Variants in CRACR2A observed in about 807,000 individuals in gnomAD.
CRACR2A encodes EF-hand calcium-binding domain-containing protein 4B.
A neutral mutation model predicts 90.5 loss-of-function variants in CRACR2A; 79 were observed. That is an observed-to-expected ratio of 0.87 (90% CI 0.73 to 1.05). The LOEUF (loss-of-function observed/expected upper bound fraction) is 1.05. Ranked by LOEUF, CRACR2A falls within the 50% of genes least tolerant of loss-of-function variation. The pLI is 0.00. For synonymous variants in CRACR2A, 338 were observed against 356.7 expected (o/e 0.95, Z 0.59); for missense variants, 823 against 897.2 (o/e 0.92, Z 1.06).
At chr12:3,720,361 AAG>A (rs1179411819) in intron 2 of CRACR2A, among the ~76,000 whole-genome samples, 45 of 132,644 alleles carry the variant, frequency 3.4e-4, no homozygotes, top group East Asian at 5.1e-4. Flanking sequence ...AAAGGAAAGA[AAG>A]AGAGAGAGAA....
chr12:3,634,066 G>A lies in CRACR2A; in HGVS notation c.1603-330C>T, dbSNP rs554297606. Reference sequence around the variant, plus strand: ...GCACGCTCACGGATAAGGACAACTCGGTGCTCCAAGTGTGACGGGGCACAG... The same window carrying A: ...GCACGCTCACGGATAAGGACAACTCAGTGCTCCAAGTGTGACGGGGCACAG... On this transcript the variant is annotated intron_variant, in intron 14 of 19. Transcript: ENST00000440314. Among the ~76,000 whole-genome samples, 9 of 152,302 alleles carry A rather than the reference G, an allele frequency of 5.9e-5. No homozygotes were observed. The South Asian group carries it at 1.5e-3, about 25-fold the overall frequency.
chr12:3,628,843 G>T (rs1351743595), intron 15 of CRACR2A, among the ~76,000 whole-genome samples: 1 of 152,110 alleles, frequency 6.6e-6, no homozygotes, highest in Non-Finnish European at 1.5e-5. Context: ...TAACAAAGAG[G>T]CAGTAAATGG....
chr12:3,691,565 T>G (rs1341459329), intron 4 of CRACR2A, among the ~76,000 whole-genome samples: 1 of 152,188 alleles, frequency 6.6e-6, no homozygotes, highest in East Asian at 1.9e-4. Context: ...ATAGCTGCCT[T>G]TAACATTTTT....
rs79145253 is a variant in CRACR2A, at chr12:3,705,432, G to A, written c.-37+7805C>T. ...TTTCCCCTTAATCTAGAGAACAGCT[G>A]GTATCTCCTTCCACACCACACCAGT... On this transcript the variant is annotated intron_variant, in intron 3 of 19. Transcript: ENST00000440314. Among the ~76,000 whole-genome samples the A allele has an allele frequency of 3.9e-5, 6 of 152,292 alleles. 1 individual carries two copies. The East Asian group carries it at 1.2e-3, about 29-fold the overall frequency.
At chr12:3,659,393 A>G (rs531717731) in intron 8 of CRACR2A, among the ~76,000 whole-genome samples, 171 bp downstream of exon 8, 1 of 152,314 alleles carries the variant, frequency 6.6e-6, no homozygotes, top group East Asian at 1.9e-4. Flanking sequence ...AAAATAAACA[A>G]GGATATTACA....
At chr12:3,748,143 C>T (rs975588836) in intron 1 of CRACR2A, among the ~76,000 whole-genome samples, 1 of 152,198 alleles carries the variant, frequency 6.6e-6, no homozygotes, top group Non-Finnish European at 1.5e-5. Flanking sequence ...GGGTAAAACA[C>T]GGTTTCCACT....
At chr12:3,639,476 A>ACACACACACACACACACACACACACACG (rs1408970383) in intron 13 of CRACR2A, among the ~76,000 whole-genome samples, 14 of 151,984 alleles carry the variant, frequency 9.2e-5, no homozygotes, top group South Asian at 2.1e-4. Context: ...ACACACACAC[A>ACACACACACACACACACACACACACACG]CGCATGCAAG....
chr12:3,629,367 C>T (rs1316030875), intron 15 of CRACR2A, among the ~76,000 whole-genome samples: 4 of 152,188 alleles, frequency 2.6e-5, no homozygotes, highest in Non-Finnish European at 5.9e-5. Context: ...AAACAGATTA[C>T]AGTGGCTGGG....
Position 3,624,523 on chromosome 12 carries a change from C to A in CRACR2A, c.1932+2913G>T, listed in dbSNP as rs147719779. On this transcript the variant is annotated intron_variant, in intron 17 of 19. Coordinates refer to ENST00000440314, the MANE Select transcript of CRACR2A (RefSeq NM_001144958.2). ...TTGCATTTATGATGCCACCGTTCCA[C>A]ACCTTCAACACACACTCTGCCATTT... 3.7e-3 allele frequency among the ~76,000 whole-genome samples: 568 copies of A among 152,338 alleles called. 5 individuals are homozygous for A. The highest frequency in any genetic ancestry group is 0.013 in the African/African-American group (535 of 41,578).
chr12:3,641,996 C>T (rs1944581388), intron 12 of CRACR2A, among the ~76,000 whole-genome samples, 158 bp from the exon 13 acceptor site: 1 of 152,156 alleles, frequency 6.6e-6, no homozygotes, highest in Non-Finnish European at 1.5e-5. Context: ...AGCCACTCTT[C>T]CCTTTTGCCA....
chr12:3,709,860 G>T lies in CRACR2A; in HGVS notation c.-37+3377C>A, dbSNP rs559040674. On this transcript the variant is annotated intron_variant, in intron 3 of 19. Coordinates refer to ENST00000440314, the MANE Select transcript of CRACR2A (RefSeq NM_001144958.2). ...AATGATTCTTACTTGCAGAATTGTT[G>T]TAAGGATTAAACAAAAATAATGCAC... is the stretch of plus-strand genomic sequence containing the variant. Among the ~76,000 whole-genome samples, 4 of 152,330 alleles carry T rather than the reference G, an allele frequency of 2.6e-5. No individual in the cohort carries two copies. In the South Asian group the frequency reaches 6.2e-4, roughly 24 times the overall value.
chr12:3,625,130 C>A (rs1944232992), intron 17 of CRACR2A, among the ~76,000 whole-genome samples: 1 of 152,096 alleles, frequency 6.6e-6, no homozygotes, highest in Non-Finnish European at 1.5e-5. Context: ...TATAGAAAAG[C>A]CCTGTTTACA....
In CRACR2A at chr12:3,659,608, T is replaced by C. The variant is rs781724552; in HGVS notation, c.718A>G (p.Met240Val). 1.2e-6 allele frequency: 2 copies of C among 1,614,170 alleles called. No homozygotes were observed. Among genetic ancestry groups the C allele is most frequent in the East Asian group, 4.5e-5 (2 of 44,882 alleles). ...DEEIQHLYEE[M>V]EQQIKSEKEQ... ...TTCTCACTTTTGATTTGTTGTTCCA[T>C]CTCCTCATAGAGATGCTGGATTTCT... Residue 240 changes from methionine (M) to valine (V), a missense_variant, in exon 8 of 20, where the codon ATG (methionine) becomes GTG (valine). Physicochemically the swap from Met to Val is conservative, Grantham distance 21 (BLOSUM62 1). Transcript: ENST00000440314.
intron 2 of CRACR2A, among the ~76,000 whole-genome samples, chr12:3,721,042 T>G (rs985628361): frequency 5.9e-5 from 9 of 152,152 alleles, no homozygotes; most frequent in African/African-American, 2.2e-4. Context: ...AGCAGAGTGG[T>G]TGACTGGCCA....
Position 3,673,461 on chromosome 12 carries a change from T to A in CRACR2A, c.656A>T (p.Glu219Val). 1.2e-6 allele frequency: 2 copies of A among 1,613,834 alleles called. No homozygotes were observed. The highest frequency in any genetic ancestry group is 1.7e-6 in the Non-Finnish European group (2 of 1,179,922). ...QEAHEEKNEL[E>V]CALKRKIAAY... ...GGGTACCCACCTTTTTAGGGCACAC[T>A]CCAGTTCATTCTTCTCCTCATGGGC... The change falls in exon 7 of 20, where the codon GAG becomes GTG. Residue 219 changes from glutamate (E) to valine (V), a missense_variant. Glu to Val is a moderately radical substitution (Grantham distance 121). Coordinates refer to ENST00000440314, the MANE Select transcript of CRACR2A (RefSeq NM_001144958.2).
At chr12:3,744,010 C>A (rs1291263254) in intron 1 of CRACR2A, among the ~76,000 whole-genome samples, 1 of 152,186 alleles carries the variant, frequency 6.6e-6, no homozygotes, top group Non-Finnish European at 1.5e-5. Flanking sequence ...AGCCTAGGAA[C>A]AAACTGTGTC....
At chr12:3,706,593 T>C (rs1422094080) in intron 3 of CRACR2A, among the ~76,000 whole-genome samples, 2 of 152,154 alleles carry the variant, frequency 1.3e-5, no homozygotes, top group Non-Finnish European at 2.9e-5. Context: ...GCAACTTACA[T>C]GTGTCAGCTA....
chr12:3,684,781 G>A (rs1945523854), intron 4 of CRACR2A, among the ~76,000 whole-genome samples: 1 of 152,244 alleles, frequency 6.6e-6, no homozygotes, highest in Non-Finnish European at 1.5e-5. Flanking sequence ...GTGCAGGCAT[G>A]CTTGCGCTTG....
At chr12:3,743,966 T>G (rs1946570247) in intron 1 of CRACR2A, among the ~76,000 whole-genome samples, 2 of 152,096 alleles carry the variant, frequency 1.3e-5, no homozygotes, top group Admixed American at 6.5e-5. Flanking sequence ...AAATAGCAAA[T>G]ACACTCTGTA....
Sources: gnomAD v4.1 joint callset for allele counts (sites outside exome capture counted in the v4.1 genomes callset) on GRCh38, gnomAD v4.1.1 for gene constraint, MANE v1.5 for transcripts, NCBI Gene and HGNC (gene_info 2026-07-23, HGNC 2026-07-21) for gene names.